The following NRXN3 variants were observed in gnomAD, a reference collection of about 807,000 sequenced individuals.
NRXN3 encodes the protein neurexin III.
In NRXN3, 32 loss-of-function variants were observed where a neutral mutation model predicts 137.6. The ratio of observed to expected loss-of-function variants is 0.23; its 90% CI spans 0.18 to 0.31. The LOEUF (loss-of-function observed/expected upper bound fraction) is 0.31, where lower values mean the gene tolerates loss of function less well. NRXN3 is among the 10% of genes least tolerant of loss of function. NRXN3 has a pLI of 1.00. For missense variants in NRXN3, 1,574 were observed against 2,062.5 expected, an observed-to-expected ratio of 0.76 and a Z score of 4.59; for synonymous variants, 798 against 784.5, an observed-to-expected ratio of 1.02 and a Z score of -0.29.
intron 15 of NRXN3, among the ~76,000 whole-genome samples, chr14:79,009,913 A>C (rs1384385113): frequency 6.6e-6 from 1 of 152,182 alleles, no homozygotes; most frequent in Non-Finnish European, 1.5e-5. Context: ...ATACTGTGGG[A>C]CTATAAGGTA....
intron 15 of NRXN3, among the ~76,000 whole-genome samples, chr14:79,075,924 C>T (rs761015859): frequency 1.1e-4 from 16 of 152,122 alleles, no homozygotes; most frequent in Non-Finnish European, 1.8e-4. Flanking sequence ...CCAATTAAGC[C>T]ATAGCAGTGT....
At chr14:79,000,178 T>TAC (rs1272112410) in intron 15 of NRXN3, among the ~76,000 whole-genome samples, 3 of 152,072 alleles carry the variant, frequency 2.0e-5, no homozygotes, top group Non-Finnish European at 4.4e-5. Flanking sequence ...ACATGCTCTT[T>TAC]GAAATCAGCC....
chr14:78,571,676 A>C (rs1425295740), intron 4 of NRXN3, among the ~76,000 whole-genome samples: 4 of 152,128 alleles, frequency 2.6e-5, no homozygotes, highest in African/African-American at 9.7e-5. Context: ...GCAGGGAAAA[A>C]TCTCACATGC....
intron 19 of NRXN3, among the ~76,000 whole-genome samples, chr14:79,789,970 G>A (rs2099140110): frequency 6.6e-6 from 1 of 152,172 alleles, no homozygotes; most frequent in African/African-American, 2.4e-5. Flanking sequence ...TGTTCCTAGA[G>A]AGTAAGGACA....
At chr14:79,027,554 G>C (rs905488755) in intron 15 of NRXN3, among the ~76,000 whole-genome samples, 1 of 152,148 alleles carries the variant, frequency 6.6e-6, no homozygotes, top group Non-Finnish European at 1.5e-5. Context: ...CTGTGTGCTA[G>C]CAGTTAGCTG....
intron 15 of NRXN3, chr14:79,247,388 C>G (rs967342015): frequency 2.6e-5 from 4 of 152,120 alleles, no homozygotes; most frequent in African/African-American, 9.7e-5. Flanking sequence ...GCAAAATATG[C>G]ATTGCCATAC....
intron 19 of NRXN3, among the ~76,000 whole-genome samples, chr14:79,786,441 T>C (rs928821403): frequency 6.6e-6 from 1 of 152,240 alleles, no homozygotes; most frequent in Admixed American, 6.5e-5. Flanking sequence ...ATTGGAAGCA[T>C]ATTAAAACTG....
At chr14:78,997,213 GA>G (rs1030115496) in intron 15 of NRXN3, among the ~76,000 whole-genome samples, 1 of 152,098 alleles carries the variant, frequency 6.6e-6, no homozygotes, top group African/African-American at 2.4e-5. Flanking sequence ...TATGGTTCAA[GA>G]AAAAATAGTC....
chr14:79,263,450 G>C lies in NRXN3; in HGVS notation c.3263-203771G>C, dbSNP rs1359287724. ...TTTTGGTACTTTGGTAAATGTGTGT[G>C]TGTTTATCTCATTCATTAGTAACCA... On this transcript the variant is annotated intron_variant, in intron 15 of 20. Coordinates refer to ENST00000335750, the MANE Select transcript of NRXN3 (RefSeq NM_001330195.2). 6.6e-5 allele frequency among the ~76,000 whole-genome samples: 10 copies of C among 152,126 alleles called. 1 individual carries two copies. Among genetic ancestry groups the C allele is most frequent in the Admixed American group, 5.9e-4 (9 of 15,280 alleles).
chr14:79,092,990 T>C (rs1278210445), intron 15 of NRXN3, among the ~76,000 whole-genome samples: 1 of 152,186 alleles, frequency 6.6e-6, no homozygotes, highest in Non-Finnish European at 1.5e-5. Context: ...AACCAGAGTA[T>C]GTCATCTGGA....
intron 10 of NRXN3, among the ~76,000 whole-genome samples, chr14:78,836,582 A>G (rs540278517): frequency 6.6e-6 from 1 of 152,278 alleles, no homozygotes; most frequent in Admixed American, 6.5e-5. Context: ...TTTTAAATGT[A>G]TATTTTTTTA....
chr14:78,284,568 A>G (rs2074896956), intron 3 of NRXN3, among the ~76,000 whole-genome samples: 1 of 152,166 alleles, frequency 6.6e-6, no homozygotes, highest in South Asian at 2.1e-4. Context: ...TTGATCCTTT[A>G]AGCACATGTT....
At chr14:78,578,065 CAT>C (rs2096954769) in intron 4 of NRXN3, among the ~76,000 whole-genome samples, 1 of 152,046 alleles carries the variant, frequency 6.6e-6, no homozygotes, top group African/African-American at 2.4e-5. Flanking sequence ...TATATACACA[CAT>C]ATATGTAATA....
At chr14:79,120,941 C>T (rs906344966) in intron 15 of NRXN3, among the ~76,000 whole-genome samples, 3 of 152,130 alleles carry the variant, frequency 2.0e-5, no homozygotes, top group Non-Finnish European at 4.4e-5. Context: ...TATTGTATCA[C>T]ATTTCTACTT....
intron 16 of NRXN3, among the ~76,000 whole-genome samples, chr14:79,486,591 C>T (rs745405930): frequency 1.4e-4 from 21 of 152,076 alleles, no homozygotes; most frequent in South Asian, 2.1e-4. Context: ...AGCCTATAAG[C>T]GAATATTTAG....
chr14:79,421,547 A>T (rs978436609), intron 15 of NRXN3, among the ~76,000 whole-genome samples: 1 of 152,218 alleles, frequency 6.6e-6, no homozygotes, highest in Non-Finnish European at 1.5e-5. Flanking sequence ...ATTCTAAGGT[A>T]TAAGGAGCTG....
At chr14:78,741,024 G>A (rs1417998412) in intron 8 of NRXN3, among the ~76,000 whole-genome samples, 1 of 152,122 alleles carries the variant, frequency 6.6e-6, no homozygotes, top group Non-Finnish European at 1.5e-5. Context: ...TTTCCTATTA[G>A]GTACCTACTC....
At chr14:79,514,871 G>A (rs1289818590) in intron 16 of NRXN3, among the ~76,000 whole-genome samples, 1 of 141,540 alleles carries the variant, frequency 7.1e-6, no homozygotes, top group Admixed American at 6.8e-5. Context: ...TTGGAATGAT[G>A]CGTTTTCTCT....
At chr14:79,365,741 A>AG (rs1264612585) in intron 15 of NRXN3, among the ~76,000 whole-genome samples, 3 of 143,048 alleles carry the variant, frequency 2.1e-5, no homozygotes, top group Non-Finnish European at 4.6e-5. Flanking sequence ...AAAAAAAAAA[A>AG]AAAGAAAAAA....
Sources: allele counts gnomAD v4.1 joint callset (sites outside exome capture counted in the v4.1 genomes callset), GRCh38; gene constraint gnomAD v4.1.1; transcripts MANE v1.5; gene names NCBI Gene and HGNC (gene_info 2026-07-23, HGNC 2026-07-21).